Variants in GABBR2 observed in about 807,000 individuals in gnomAD.
GABBR2 encodes G-protein coupled receptor 51.
Under a neutral mutation model 105.6 loss-of-function variants are expected in GABBR2, and 23 were observed. The ratio of observed to expected loss-of-function variants is 0.22; its 90% CI spans 0.16 to 0.31. GABBR2 has a LOEUF of 0.31. GABBR2 is among the 10% of genes least tolerant of loss of function. GABBR2 has a pLI of 1.00. For missense variants in GABBR2, 734 were observed against 1,245.5 expected, an observed-to-expected ratio of 0.59 and a Z score of 6.18; for synonymous variants, 478 against 499.7, an observed-to-expected ratio of 0.96 and a Z score of 0.58.
chr9:98,541,365 TTTC>T (rs1828300111), intron 3 of GABBR2, among the ~76,000 whole-genome samples: 1 of 151,652 alleles, frequency 6.6e-6, no homozygotes, highest in Admixed American at 6.6e-5. Context: ...TTGGCTTTTT[TTTC>T]CCCCACAACA....
intron 13 of GABBR2, among the ~76,000 whole-genome samples, chr9:98,359,117 T>C (rs770180915): frequency 6.6e-6 from 1 of 152,066 alleles, no homozygotes; most frequent in Non-Finnish European, 1.5e-5. Context: ...ACATGACGAG[T>C]GCTACAGAAG....
At chr9:98,700,885 C>A (rs1353428576) in intron 1 of GABBR2, among the ~76,000 whole-genome samples, 1 of 152,214 alleles carries the variant, frequency 6.6e-6, no homozygotes, top group Non-Finnish European at 1.5e-5. Flanking sequence ...AGTGGCCTGG[C>A]TCCTCGCGTT....
At chr9:98,415,867 C>T (rs540599533) in intron 7 of GABBR2, among the ~76,000 whole-genome samples, 5 of 152,146 alleles carry the variant, frequency 3.3e-5, no homozygotes, top group Admixed American at 6.6e-5. Context: ...ATGCCATTCT[C>T]CCTCCTGTTT....
At chr9:98,382,783 A>C (rs1832001714) in intron 11 of GABBR2, among the ~76,000 whole-genome samples, 1 of 152,176 alleles carries the variant, frequency 6.6e-6, no homozygotes, top group African/African-American at 2.4e-5. Flanking sequence ...AGCTGACCAT[A>C]AATAAATTGT....
At chr9:98,542,162 A>G (rs554418411) in intron 2 of GABBR2, 119 bp from the exon 3 acceptor site, 1 of 766,998 alleles carries the variant, frequency 1.3e-6, no homozygotes, top group South Asian at 2.1e-5. Context: ...ACACAGGGAC[A>G]GATATTTTTA....
chr9:98,499,197 T>C (rs1827347595), intron 3 of GABBR2, among the ~76,000 whole-genome samples: 1 of 152,278 alleles, frequency 6.6e-6, no homozygotes, highest in African/African-American at 2.4e-5. Context: ...AAGGCTGCAG[T>C]AGCTTTGGTA....
intron 12 of GABBR2, 67 bp from the exon 13 acceptor site, chr9:98,362,904 C>A: frequency 7.2e-7 from 1 of 1,397,064 alleles, no homozygotes; most frequent in Non-Finnish European, 9.5e-7. Context: ...CAACTGGGGG[C>A]CCAGGTCATA....
intron 3 of GABBR2, among the ~76,000 whole-genome samples, chr9:98,538,197 A>AT (rs1421068336): frequency 6.6e-6 from 1 of 152,240 alleles, no homozygotes; most frequent in Non-Finnish European, 1.5e-5. Flanking sequence ...AAATAGCCCC[A>AT]TTTTACACAA....
chr9:98,571,849 C>T (rs1166588474), intron 2 of GABBR2, among the ~76,000 whole-genome samples: 1 of 152,190 alleles, frequency 6.6e-6, no homozygotes, highest in Admixed American at 6.5e-5. Flanking sequence ...AACGCTGCTC[C>T]CTGATAACTT....
chr9:98,530,315 C>T (rs1828040759), intron 3 of GABBR2, among the ~76,000 whole-genome samples: 1 of 152,200 alleles, frequency 6.6e-6, no homozygotes, highest in Non-Finnish European at 1.5e-5. Flanking sequence ...CACCTCCCTG[C>T]TTCTGTGGTA....
intron 1 of GABBR2, among the ~76,000 whole-genome samples, chr9:98,704,175 C>G (rs1015372437): frequency 6.6e-6 from 1 of 152,202 alleles, no homozygotes; most frequent in Non-Finnish European, 1.5e-5. Context: ...GAGCTGTACT[C>G]AGACCTTTTT....
At chr9:98,474,800 A>G (rs1396923783) in intron 5 of GABBR2, among the ~76,000 whole-genome samples, 2 of 152,126 alleles carry the variant, frequency 1.3e-5, no homozygotes, top group Non-Finnish European at 2.9e-5. Context: ...AGCTCCCAAC[A>G]ACTCCTATAT....
chr9:98,598,767 T>A (rs1829276286), intron 1 of GABBR2, among the ~76,000 whole-genome samples: 1 of 152,024 alleles, frequency 6.6e-6, no homozygotes, highest in Non-Finnish European at 1.5e-5. Context: ...TAAAAGCTCA[T>A]CCAGCGAGCA....
At chr9:98,656,158 G>A (rs1041536932) in intron 1 of GABBR2, among the ~76,000 whole-genome samples, 1 of 152,202 alleles carries the variant, frequency 6.6e-6, no homozygotes, top group Non-Finnish European at 1.5e-5. Flanking sequence ...AGTCACCAAA[G>A]AGCTGGGTGA....
intron 11 of GABBR2, among the ~76,000 whole-genome samples, chr9:98,373,666 A>C (rs1200443287): frequency 6.6e-6 from 1 of 152,174 alleles, no homozygotes; most frequent in Non-Finnish European, 1.5e-5. Context: ...GACTGTTAAG[A>C]CCAATGGTCT....
chr9:98,376,036 T>C (rs1831866983), intron 11 of GABBR2, among the ~76,000 whole-genome samples: 1 of 152,194 alleles, frequency 6.6e-6, no homozygotes, highest in African/African-American at 2.4e-5. Flanking sequence ...AGCCATCAGG[T>C]ACTCAGCCCC....
intron 2 of GABBR2, among the ~76,000 whole-genome samples, chr9:98,575,930 C>A (rs1245234252): frequency 6.6e-6 from 1 of 152,202 alleles, no homozygotes; most frequent in East Asian, 1.9e-4. Flanking sequence ...TCTGCAGCGG[C>A]GCTCTCCCCC....
chr9:98,589,529 TG>T (rs770808993), intron 1 of GABBR2, among the ~76,000 whole-genome samples: 30 of 152,222 alleles, frequency 2.0e-4, no homozygotes, highest in Admixed American at 5.2e-4. Flanking sequence ...TCAGCACACC[TG>T]GGGAACTATT....
Position 98,311,119 on chromosome 9 carries a change from G to C in GABBR2, c.1980C>G (p.Val660=). 1.2e-6 allele frequency: 2 copies of C among 1,609,282 alleles called. No homozygotes were observed. Among genetic ancestry groups the C allele is most frequent in the South Asian group, 2.2e-5 (2 of 90,992 alleles). Residue 660 remains valine (V), a synonymous_variant, in exon 14 of 19, where the codon GTC becomes GTG. Transcript: ENST00000259455. ...CCATGAGAAGTCCCTTGTAGGCATAGACGATGCCAAGCCAGATGGTCATAT... is the reference window on the plus strand; with the variant it reads ...CCATGAGAAGTCCCTTGTAGGCATACACGATGCCAAGCCAGATGGTCATAT... ...NTHMTIWLGI[V]YAYKGLLMLF... is the part of the protein sequence containing the mutation.
Sources: gnomAD v4.1 joint callset for allele counts (sites outside exome capture counted in the v4.1 genomes callset) on GRCh38, gnomAD v4.1.1 for gene constraint, MANE v1.5 for transcripts, NCBI Gene and HGNC (gene_info 2026-07-23, HGNC 2026-07-21) for gene names.